The following ZZEF1 variants were observed in gnomAD, a reference collection of about 807,000 sequenced individuals.
ZZEF1 encodes the protein zinc finger ZZ-type and EF-hand domain-containing protein 1.
Under a neutral mutation model 342.8 loss-of-function variants are expected in ZZEF1, and 157 were observed. That is an observed-to-expected ratio of 0.46 (90% CI 0.40 to 0.52). The LOEUF (loss-of-function observed/expected upper bound fraction) is 0.52. ZZEF1 is among the 20% of genes least tolerant of loss of function. The pLI, the probability that ZZEF1 is intolerant of heterozygous loss-of-function variation, is 0.00. For missense variants in ZZEF1, 3,480 were observed against 3,725.6 expected (o/e 0.93, Z 1.72); for synonymous variants, 1,505 against 1,429.1 (o/e 1.05, Z -1.20).
rs1306875467 is a variant in ZZEF1, at chr17:4,016,767, G to A, written c.8002-301C>T. On this transcript the variant is annotated intron_variant, in intron 48 of 54. Coordinates refer to ENST00000381638, the MANE Select transcript of ZZEF1 (RefSeq NM_015113.4). The surrounding 1 kb of genome is among the most constrained non-coding windows in gnomAD (Gnocchi z 4.4). ...TGAAGGAGTCCCCAGCCAAGCAGGT[G>A]GATTGGCCTATGGATAAATAATGAC... is the stretch of plus-strand genomic sequence containing the variant. 5 of 314,712 alleles carry A rather than the reference G, an allele frequency of 1.6e-5. No individual in the cohort carries two copies. In the East Asian group the frequency reaches 3.0e-4, roughly 19 times the overall value. 19.5% of individuals were successfully genotyped at this position (314,712 alleles called of 1,614,324 possible).
In ZZEF1 at chr17:4,014,380, A is replaced by T; in HGVS notation, c.8281T>A (p.Ser2761Thr). The change falls in exon 50 of 55, where the codon TCT (serine) becomes ACT (threonine). Residue 2761 changes from serine (S) to threonine (T), a missense_variant. By Grantham distance (58) the Ser-to-Thr change is moderately conservative. This residue lies in a region of ZZEF1 where 1,269 missense variants were observed against 1,342.4 expected (regional missense o/e 0.95). Coordinates refer to ENST00000381638, the MANE Select transcript of ZZEF1 (RefSeq NM_015113.4). This position sits in a 1 kb window ranked among gnomAD's most constrained non-coding sequence, Gnocchi z 4.4. ...FQQDRHSFSG[S>T]QQKWKDFELP... ...TCAAAATCTTTCCACTTCTGCTGAG[A>T]CCCGCTGAAGCTGTGTCGGTCTTGC... 6.2e-7 allele frequency: 1 copy of T among 1,614,146 alleles called. No individual in the cohort carries two copies. The highest frequency in any genetic ancestry group is 8.5e-7 in the Non-Finnish European group (1 of 1,180,022).
chr17:4,121,310 C>T (rs764091122), intron 2 of ZZEF1, among the ~76,000 whole-genome samples: 4 of 152,120 alleles, frequency 2.6e-5, no homozygotes, highest in East Asian at 1.9e-4. Flanking sequence ...AGTATGTAAA[C>T]GCTAAGATAA....
rs764240903 is a variant in ZZEF1 at position 4,066,540 on chromosome 17, A to C, written c.4156T>G (p.Leu1386Val). 5 of 1,613,826 alleles carry C rather than the reference A, an allele frequency of 3.1e-6. No individual in the cohort carries two copies. Among genetic ancestry groups the C allele is most frequent in the Non-Finnish European group, 4.2e-6 (5 of 1,179,926 alleles). The change falls in exon 28 of 55, where the codon TTA (leucine) becomes GTA (valine). Residue 1386 changes from leucine to valine, a missense_variant and splice_region_variant. This residue lies in a region of ZZEF1 where 1,528 missense variants were observed against 1,624.1 expected (regional missense o/e 0.94). Transcript: ENST00000381638. Reference sequence around the variant, plus strand: ...ATCAGGGACTTCTGCTTCATCTCTAACTAGGGGAGAATTTGAGCCACATCA... The same window carrying C: ...ATCAGGGACTTCTGCTTCATCTCTACCTAGGGGAGAATTTGAGCCACATCA... ...SLADGIRIWMLEMKQKSLMSL... is the reference protein window; with the variant it reads ...SLADGIRIWMVEMKQKSLMSL...
At position 4,017,153 on chromosome 17, in the gene ZZEF1, T is replaced by G; in HGVS notation, c.8001+218A>C. 1.7e-6 allele frequency: 1 copy of G among 582,988 alleles called. No homozygotes were observed. Among genetic ancestry groups the G allele is most frequent in the Non-Finnish European group, 2.9e-6 (1 of 348,426 alleles). The allele number at this position is 582,988 out of a possible 1,614,324, so 36.1% of individuals were successfully genotyped here. A position where few individuals can be genotyped will look rare whatever the true frequency, so the allele number is the denominator to read the frequency against. ...AAACTGGGAAGATGGCGACAAAGCT[T>G]TCTGGTTCAGCTGGAAATCGCGCTC... is the stretch of plus-strand genomic sequence containing the variant. On this transcript the variant is annotated intron_variant, in intron 48 of 54. Coordinates refer to ENST00000381638, the MANE Select transcript of ZZEF1 (RefSeq NM_015113.4). The surrounding 1 kb of genome is among the most constrained non-coding windows in gnomAD (Gnocchi z 5.1).
intron 11 of ZZEF1, among the ~76,000 whole-genome samples, chr17:4,093,949 C>T (rs573119197): frequency 1.3e-5 from 2 of 152,200 alleles, no homozygotes; most frequent in South Asian, 4.2e-4. Context: ...CACCATCGCC[C>T]ATTCCCTCAA....
intron 30 of ZZEF1, among the ~76,000 whole-genome samples, chr17:4,060,173 C>T (rs1377768292): frequency 6.6e-6 from 1 of 152,208 alleles, no homozygotes; most frequent in Admixed American, 6.5e-5. Flanking sequence ...AGCAAGCTGA[C>T]TAGTATGACT....
chr17:4,022,102 G>A (rs1014155084), intron 44 of ZZEF1, among the ~76,000 whole-genome samples: 5 of 152,178 alleles, frequency 3.3e-5, no homozygotes, highest in Non-Finnish European at 2.9e-5. Context: ...GCAATTGAGA[G>A]CTGTTTCTGC....
intron 32 of ZZEF1, 88 bp from the exon 33 acceptor site, chr17:4,056,433 A>AT: frequency 7.5e-7 from 1 of 1,325,368 alleles, no homozygotes. Context: ...CTATAGGTCT[A>AT]TTATATTGGG....
In ZZEF1 at chr17:4,064,351, A is replaced by C; in HGVS notation, c.4718+10T>G. On this transcript the variant is annotated intron_variant, in intron 29 of 54. Coordinates refer to ENST00000381638, the MANE Select transcript of ZZEF1 (RefSeq NM_015113.4). ...AAGAGAAAGCGACAGGAAGGTAACA[A>C]CGGGCTTACCTCCTGTGCGAGAGCG... is the stretch of plus-strand genomic sequence containing the variant. 3 of 1,558,180 alleles carry C rather than the reference A, an allele frequency of 1.9e-6. No individual in the cohort carries two copies. The highest frequency in any genetic ancestry group is 2.6e-6 in the Non-Finnish European group (3 of 1,146,934).
At chr17:4,021,058 C>G in intron 45 of ZZEF1, 71 bp downstream of exon 45, 2 of 1,487,500 alleles carry the variant, frequency 1.3e-6, no homozygotes, top group African/African-American at 2.8e-5. Context: ...TAGGCTAAAA[C>G]ATGGCCCGGG....
rs188052641 is a variant in ZZEF1, at chr17:4,099,813, T to C, written c.1672+2504A>G. The stretch of plus-strand genomic sequence containing the variant: ...TGCCTGCTTCGGCCTCCCAAATTGC[T>C]GGGATTACAGGTGTGAGCCACTGCA... On this transcript the variant is annotated intron_variant, in intron 9 of 54. Coordinates refer to ENST00000381638, the MANE Select transcript of ZZEF1 (RefSeq NM_015113.4). 7.2e-5 allele frequency among the ~76,000 whole-genome samples: 11 copies of C among 152,268 alleles called. 1 individual carries two copies. In the Middle Eastern group the frequency reaches 0.014, roughly 188 times the overall value.
chr17:4,044,578 G>A (rs1354511275), intron 37 of ZZEF1, among the ~76,000 whole-genome samples: 1 of 151,982 alleles, frequency 6.6e-6, no homozygotes, highest in Admixed American at 6.6e-5. Context: ...GAGTGCAGTG[G>A]TGTGATCTCG....
chr17:4,126,370 C>T (rs539650935), intron 1 of ZZEF1, among the ~76,000 whole-genome samples: 1 of 152,220 alleles, frequency 6.6e-6, no homozygotes, highest in South Asian at 2.1e-4. Flanking sequence ...AACGCATTTA[C>T]CTCTGTTCCC....
Position 4,070,645 on chromosome 17 carries a change from T to C in ZZEF1, c.4075+39A>G, listed in dbSNP as rs373619571. On this transcript the variant is annotated intron_variant, in intron 26 of 54. Transcript: ENST00000381638. Reference sequence around the variant, plus strand: ...ATAGGCTTTCTTAAAACTTAGCAATTAGCCTTCAGATCAAAAATATTCCCT... The same window carrying C: ...ATAGGCTTTCTTAAAACTTAGCAATCAGCCTTCAGATCAAAAATATTCCCT... 1.6e-5 allele frequency: 26 copies of C among 1,594,674 alleles called. No individual in the cohort carries two copies. In the African/African-American group the frequency reaches 3.0e-4, roughly 18 times the overall value.
Position 4,062,845 on chromosome 17 carries a change from G to T in ZZEF1, c.4791C>A (p.His1597Gln). ...SILEVLKITQHCAESLGQPHC... is the reference protein window; with the variant it reads ...SILEVLKITQQCAESLGQPHC... The stretch of plus-strand genomic sequence containing the variant: ...GGGGCTGCCCAAGGGATTCTGCACA[G>T]TGCTGAGTTATCTTCAGGACTTCCA... Residue 1597 changes from histidine (H) to glutamine (Q), a missense_variant, in exon 30 of 55, where the codon CAC becomes CAA. Coordinates refer to ENST00000381638, the MANE Select transcript of ZZEF1 (RefSeq NM_015113.4). 3.7e-6 allele frequency: 6 copies of T among 1,613,692 alleles called. No individual in the cohort carries two copies. Among genetic ancestry groups the T allele is most frequent in the Non-Finnish European group, 5.1e-6 (6 of 1,179,832 alleles).
chr17:4,032,255 G>T lies in ZZEF1; in HGVS notation c.6763C>A (p.Leu2255Ile). 6.2e-7 allele frequency: 1 copy of T among 1,610,970 alleles called. No homozygotes were observed. Among genetic ancestry groups the T allele is most frequent in the Non-Finnish European group, 8.5e-7 (1 of 1,179,088 alleles). ...TAAACGCAGCGGGTTCCCACACAGA[G>T]GACCTAGAACGTGGTAGACAGAGAC... Reference protein sequence around the residue: ...LLVLVGFPQVLCVGTRCVYMD... With the variant: ...LLVLVGFPQVICVGTRCVYMD... The change falls in exon 42 of 55, where the codon CTC becomes ATC. Residue 2255 changes from leucine (L) to isoleucine (I), a missense_variant. Transcript: ENST00000381638.
intron 18 of ZZEF1, among the ~76,000 whole-genome samples, chr17:4,079,797 G>T (rs2057688633): frequency 6.6e-6 from 1 of 152,210 alleles, no homozygotes. Context: ...GGGAATGAAT[G>T]AAATCATGGC....
chr17:4,123,314 A>G, intron 2 of ZZEF1, among the ~76,000 whole-genome samples: 1 of 126,082 alleles, frequency 7.9e-6, no homozygotes, highest in South Asian at 2.5e-4. Flanking sequence ...TATATATCAG[A>G]AAAATATATA....
intron 28 of ZZEF1, among the ~76,000 whole-genome samples, chr17:4,065,514 A>G (rs542081347): frequency 6.6e-6 from 1 of 152,324 alleles, no homozygotes; most frequent in African/African-American, 2.4e-5. Context: ...TCTCGCCAGT[A>G]CTATCAGCAC....
Sources: gnomAD v4.1 joint callset for allele counts (sites outside exome capture counted in the v4.1 genomes callset) on GRCh38, gnomAD v4.1.1 for gene constraint, gnomAD v4.1.1 regional missense constraint, Gnocchi (gnomAD v3.1) non-coding constraint, MANE v1.5 for transcripts, NCBI Gene and HGNC (gene_info 2026-07-23, HGNC 2026-07-21) for gene names.